TOPAZ1: variants seen among roughly 807,000 people sequenced by gnomAD.
The protein encoded by TOPAZ1 is testis and ovary specific TOPAZ 1, also known as protein TOPAZ1.
In TOPAZ1, 66 loss-of-function variants were observed where a neutral mutation model predicts 172.2. The observed-to-expected ratio is 0.38, with a 90% CI of 0.31 to 0.47. TOPAZ1 has a LOEUF of 0.47. TOPAZ1 is among the 20% of genes least tolerant of loss of function. TOPAZ1 has a pLI of 0.99. For missense variants in TOPAZ1, 1,822 were observed against 1,972.4 expected (o/e 0.92, Z 1.44); for synonymous variants, 681 against 683.9 (o/e 1.00, Z 0.07).
chr3:44,266,044 C>T (rs1472242637), intron 5 of TOPAZ1, among the ~76,000 whole-genome samples: 1 of 152,186 alleles, frequency 6.6e-6, no homozygotes, highest in Non-Finnish European at 1.5e-5. Flanking sequence ...TTTCCATTAG[C>T]AAGTTGACCT....
intron 12 of TOPAZ1, among the ~76,000 whole-genome samples, chr3:44,297,180 A>C (rs74955439): frequency 0.022 from 3,298 of 151,608 alleles, 73 homozygotes; most frequent in African/African-American, 0.054. Context: ...AAAAAAAAAA[A>C]AGAAAAAAGA....
intron 16 of TOPAZ1, among the ~76,000 whole-genome samples, chr3:44,312,911 T>C (rs1361399362): frequency 6.6e-6 from 1 of 152,236 alleles, no homozygotes; most frequent in Non-Finnish European, 1.5e-5. Flanking sequence ...GCAAAACTAA[T>C]GTTAAAAATC....
intron 8 of TOPAZ1, among the ~76,000 whole-genome samples, chr3:44,280,532 G>C (rs575052770): frequency 8.6e-5 from 13 of 152,006 alleles, no homozygotes; most frequent in African/African-American, 3.1e-4. Flanking sequence ...ATTTTTAGTA[G>C]AGTTGAGATT....
In TOPAZ1 at chr3:44,267,140, C is replaced by G. The variant is rs1003385890; in HGVS notation, c.3160+4C>G. 1 of 1,503,238 alleles carries G rather than the reference C, an allele frequency of 6.7e-7. No homozygotes were observed. The highest frequency in any genetic ancestry group is 2.5e-5 in the Admixed American group (1 of 40,378). The allele number at this position is 1,503,238 out of a possible 1,614,324, so 93.1% of individuals were successfully genotyped here. A position where few individuals can be genotyped will look rare whatever the true frequency, so the allele number is the denominator to read the frequency against. ...ATACTGAATACCTGGATGAATGGTA[C>G]TATTTGTTTTCTTAATGAAATCCTG... On this transcript the variant is annotated splice_donor_region_variant and intron_variant, in intron 6 of 19. Transcript: ENST00000309765.
intron 8 of TOPAZ1, among the ~76,000 whole-genome samples, chr3:44,278,331 A>G (rs1487235038): frequency 6.6e-6 from 1 of 152,138 alleles, no homozygotes; most frequent in Non-Finnish European, 1.5e-5. Context: ...ATTGACCTAT[A>G]GTTTTTACTG....
downstream of TOPAZ1, among the ~76,000 whole-genome samples, chr3:44,334,564 TG>T (rs1700704121): frequency 6.6e-6 from 1 of 152,140 alleles, no homozygotes. Context: ...CATTGTAATC[TG>T]GAAGATAGAA....
At chr3:44,309,404 C>T (rs1382745452) in intron 15 of TOPAZ1, among the ~76,000 whole-genome samples, 1 of 152,142 alleles carries the variant, frequency 6.6e-6, no homozygotes, top group African/African-American at 2.4e-5. Flanking sequence ...AATTTGATAA[C>T]AAATTATTTT....
In TOPAZ1 at chr3:44,245,206, G is replaced by A; in HGVS notation, c.2700G>A (p.Glu900=). 1 of 1,551,426 alleles carries A rather than the reference G, an allele frequency of 6.4e-7. No homozygotes were observed. Among genetic ancestry groups the A allele is most frequent in the Non-Finnish European group, 8.7e-7 (1 of 1,146,964 alleles). ...GCCAGGAGCCCAATGTTGCTGGAGA[G>A]CACCAATCAACAGACTCCAAGTACA... The part of the protein sequence containing the change: ...KISQEPNVAG[E]HQSTDSKYME... The change falls in exon 2 of 20, where the codon GAG becomes GAA. Residue 900 remains glutamate, a synonymous_variant. Coordinates refer to ENST00000309765, the MANE Select transcript of TOPAZ1 (RefSeq NM_001145030.2).
chr3:44,317,283 T>C (rs983677997), intron 16 of TOPAZ1, among the ~76,000 whole-genome samples: 3 of 152,120 alleles, frequency 2.0e-5, no homozygotes, highest in African/African-American at 4.8e-5. Flanking sequence ...TAGCCTAGCA[T>C]TGTGGCAGGC....
chr3:44,242,528 G>A (rs1699497571), intron 1 of TOPAZ1, 129 bp downstream of exon 1: 2 of 1,029,502 alleles, frequency 1.9e-6, no homozygotes, highest in Non-Finnish European at 2.8e-6. Flanking sequence ...CCAGGAGATG[G>A]GAAAAATGGA....
chr3:44,274,131 A>G lies in TOPAZ1; in HGVS notation c.3372+3321A>G, dbSNP rs1265884838. On this transcript the variant is annotated intron_variant, in intron 8 of 19. Transcript: ENST00000309765. ...CCTGTCTCTTTTTTTTTTTTTTGGC[A>G]AGGCACAGTGGCTGAGGCCTGTAAT... Among the ~76,000 whole-genome samples, 9 of 138,302 alleles carry G rather than the reference A, an allele frequency of 6.5e-5. No homozygotes were observed. The Admixed American group carries it at 6.7e-4, about 10-fold the overall frequency. 90.7% of individuals were successfully genotyped at this position (138,302 alleles called of 152,430 possible).
rs771434407 is a variant in TOPAZ1, at chr3:44,305,161, A to C, written c.3879A>C (p.Lys1293Asn). 79 of 1,516,362 alleles carry C rather than the reference A, an allele frequency of 5.2e-5. No individual in the cohort carries two copies. The highest frequency in any genetic ancestry group is 9.0e-5 in the South Asian group (7 of 77,530). 93.9% of individuals were successfully genotyped at this position (1,516,362 alleles called of 1,614,324 possible). ...ALNKLEHCKE[K>N]GDWTKLGKLY... is the part of the protein sequence containing the mutation. ...AATTTTGATAGCATTGTAAAGAAAA[A>C]GGTGACTGGACCAAATTGGGAAAAT... Residue 1293 changes from lysine to asparagine, a missense_variant, in exon 14 of 20, where the codon AAA becomes AAC. Physicochemically the swap from Lys to Asn is moderately conservative, Grantham distance 94. This residue lies in a region of TOPAZ1 where 333 missense variants were observed against 481.7 expected (regional missense o/e 0.69). Transcript: ENST00000309765.
In TOPAZ1 at chr3:44,243,991, C is replaced by G; in HGVS notation, c.1485C>G (p.Pro495=). The G allele has an allele frequency of 1.3e-6, 2 of 1,552,238 alleles. No individual in the cohort carries two copies. Among genetic ancestry groups the G allele is most frequent in the Admixed American group, 3.9e-5 (2 of 50,998 alleles). ...CTATGACTGGTAAAAGAACTTGGCC[C>G]TATTATTCATGTGCTAGAATATCTG... ...TIPMTGKRTW[P]YYSCARISAW... The change falls in exon 2 of 20, where the codon CCC becomes CCG. Residue 495 remains proline (P), a synonymous_variant. Transcript: ENST00000309765.
chr3:44,315,227 GTT>G (rs1488237884), intron 16 of TOPAZ1, among the ~76,000 whole-genome samples: 1 of 138,390 alleles, frequency 7.2e-6, no homozygotes, highest in Non-Finnish European at 1.6e-5. Flanking sequence ...GTGTGTGTGT[GTT>G]TATACTATGA....
At position 44,262,478 on chromosome 3, in the gene TOPAZ1, C is replaced by T; in HGVS notation, c.3015C>T (p.Cys1005=). The T allele has an allele frequency of 7.0e-7, 1 of 1,430,068 alleles. No homozygotes were observed. The highest frequency in any genetic ancestry group is 1.3e-5 in the South Asian group (1 of 79,222). The allele number at this position is 1,430,068 out of a possible 1,614,324, so 88.6% of individuals were successfully genotyped here. A position where few individuals can be genotyped will look rare whatever the true frequency, so the allele number is the denominator to read the frequency against. Residue 1005 remains cysteine, a synonymous_variant, in exon 5 of 20, where the codon TGC becomes TGT. Transcript: ENST00000309765. ...KEEKENIYEV[C]KSKDSRNADF... ...AAAAAGAAAATATTTATGAAGTTTG[C>T]AAAAGGTCTGTAACATAATTCTTAA... is the stretch of plus-strand genomic sequence containing the variant.
intron 12 of TOPAZ1, among the ~76,000 whole-genome samples, chr3:44,292,380 A>G (rs996018452): frequency 1.2e-4 from 18 of 152,270 alleles, no homozygotes; most frequent in African/African-American, 2.4e-4. Context: ...TTGTCTTCCA[A>G]TCATTGAGTT....
At chr3:44,258,251 C>T (rs950223755) in intron 4 of TOPAZ1, among the ~76,000 whole-genome samples, 11 of 152,190 alleles carry the variant, frequency 7.2e-5, no homozygotes, top group Non-Finnish European at 1.5e-4. Context: ...ATTGTGGATT[C>T]ACGTGCAGTT....
Position 44,312,966 on chromosome 3 carries a change from G to A in TOPAZ1, c.4306+2976G>A, listed in dbSNP as rs1700411619. 2.6e-5 allele frequency among the ~76,000 whole-genome samples: 4 copies of A among 151,900 alleles called. No homozygotes were observed. In the South Asian group the frequency reaches 8.4e-4, roughly 32 times the overall value. ...AGAAATTGCTATTATCCACTTTAATGTTGTTATACCGACACTTTTATACTC... is the reference window on the plus strand; with the variant it reads ...AGAAATTGCTATTATCCACTTTAATATTGTTATACCGACACTTTTATACTC... On this transcript the variant is annotated intron_variant, in intron 16 of 19. Coordinates refer to ENST00000309765, the MANE Select transcript of TOPAZ1 (RefSeq NM_001145030.2).
chr3:44,242,026 G>A lies in TOPAZ1; in HGVS notation c.-28G>A, dbSNP rs998967881. The A allele has an allele frequency of 1.2e-5, 19 of 1,534,272 alleles. No homozygotes were observed. In the African/African-American group the frequency reaches 1.7e-4, roughly 13 times the overall value. On this transcript the variant is annotated 5_prime_UTR_variant, in exon 1 of 20. Coordinates refer to ENST00000309765, the MANE Select transcript of TOPAZ1 (RefSeq NM_001145030.2). ...TGGGTTCCTGCGAGCTGGTGCAGAGGGGCCCCAGCGGGCCGGCCCCGGGGC... is the reference window on the plus strand; with the variant it reads ...TGGGTTCCTGCGAGCTGGTGCAGAGAGGCCCCAGCGGGCCGGCCCCGGGGC...
Sources: allele counts gnomAD v4.1 joint callset (sites outside exome capture counted in the v4.1 genomes callset), GRCh38; gene constraint gnomAD v4.1.1; regional missense constraint gnomAD v4.1.1; transcripts MANE v1.5; gene names NCBI Gene and HGNC (gene_info 2026-07-23, HGNC 2026-07-21).